Variants in AGTPBP1 observed in about 807,000 individuals in gnomAD.
The protein encoded by AGTPBP1 is ATP/GTP binding carboxypeptidase 1, also known as cytosolic carboxypeptidase 1.
AGTPBP1 carries 70 observed loss-of-function variants against 143.9 expected under a neutral mutation model. The ratio of observed to expected loss-of-function variants is 0.49; its 90% CI spans 0.40 to 0.59. AGTPBP1 has a LOEUF of 0.59. Among genes scored for constraint, AGTPBP1 ranks in the 20% least tolerant of loss-of-function variants. AGTPBP1 has a pLI of 0.00. For synonymous variants in AGTPBP1, 463 were observed against 500.2 expected (o/e 0.93, Z 0.99); for missense variants, 1,229 against 1,464.5 (o/e 0.84, Z 2.62).
chr9:85,714,764 C>T (rs1171918008), intron 1 of AGTPBP1, among the ~76,000 whole-genome samples: 2 of 152,014 alleles, frequency 1.3e-5, no homozygotes, highest in Non-Finnish European at 2.9e-5. Context: ...GGCATTTTAA[C>T]TTGAAAGTGA....
chr9:85,679,413 T>C (rs1835029782), intron 4 of AGTPBP1, among the ~76,000 whole-genome samples: 1 of 152,192 alleles, frequency 6.6e-6, no homozygotes, highest in Non-Finnish European at 1.5e-5. Flanking sequence ...AGTTCTTTTT[T>C]TTCTTTTTTT....
intron 7 of AGTPBP1, among the ~76,000 whole-genome samples, chr9:85,670,670 C>A (rs1834424970): frequency 1.3e-5 from 2 of 151,980 alleles, no homozygotes; most frequent in South Asian, 4.1e-4. Context: ...TCAAAGCCAG[C>A]CTGAGATGTA....
chr9:85,562,014 TAG>T (rs1305474068), intron 25 of AGTPBP1, among the ~76,000 whole-genome samples: 1 of 151,562 alleles, frequency 6.6e-6, no homozygotes, highest in East Asian at 1.9e-4. Flanking sequence ...ATATTTTTAG[TAG>T]AGATGGGGTT....
At chr9:85,771,319 T>C in the AGTPBP1 span, among the ~76,000 whole-genome samples, 1 of 152,046 alleles carries the variant, frequency 6.6e-6, no homozygotes, top group Non-Finnish European at 1.5e-5. Flanking sequence ...TTACAAAAAA[T>C]ACCAGAATTA....
intron 7 of AGTPBP1, among the ~76,000 whole-genome samples, chr9:85,670,102 T>C (rs1217160643): frequency 6.6e-6 from 1 of 151,898 alleles, no homozygotes; most frequent in African/African-American, 2.4e-5. Flanking sequence ...TAAAAGTGAG[T>C]AGTAGTTAGG....
At chr9:85,688,789 T>C (rs1300919819) in intron 3 of AGTPBP1, among the ~76,000 whole-genome samples, 2 of 152,210 alleles carry the variant, frequency 1.3e-5, no homozygotes, top group Non-Finnish European at 1.5e-5. Context: ...AGGGGTTGGT[T>C]TTTTATATCA....
the AGTPBP1 span, among the ~76,000 whole-genome samples, chr9:85,756,754 A>G: frequency 4.5e-4 from 69 of 152,336 alleles, no homozygotes; most frequent in African/African-American, 1.6e-3. Flanking sequence ...ATAGCATATT[A>G]TTTGACAATA....
intron 12 of AGTPBP1, among the ~76,000 whole-genome samples, chr9:85,645,964 G>C (rs1307556630): frequency 6.6e-6 from 1 of 152,072 alleles, no homozygotes; most frequent in African/African-American, 2.4e-5. Context: ...TTTTCCTACT[G>C]TTTTTGTATC....
At chr9:85,611,009 T>A (rs1206846295) in intron 17 of AGTPBP1, among the ~76,000 whole-genome samples, 1 of 151,896 alleles carries the variant, frequency 6.6e-6, no homozygotes, top group Non-Finnish European at 1.5e-5. Context: ...TACAAATACA[T>A]GGAAATAAGA....
chr9:85,657,902 G>A (rs974883351), intron 9 of AGTPBP1, among the ~76,000 whole-genome samples: 1 of 152,048 alleles, frequency 6.6e-6, no homozygotes, highest in Non-Finnish European at 1.5e-5. Context: ...ACTAAAATTA[G>A]AGGAACATCT....
chr9:85,692,864 T>G (rs201769360), intron 2 of AGTPBP1, 51 bp from the exon 3 acceptor site: 386 of 1,584,390 alleles, frequency 2.4e-4, no homozygotes, highest in Non-Finnish European at 2.9e-4. Flanking sequence ...TGGTGTAAAT[T>G]CAATACTATA....
At chr9:85,797,592 A>C in the AGTPBP1 span, among the ~76,000 whole-genome samples, 2 of 151,996 alleles carry the variant, frequency 1.3e-5, no homozygotes, top group African/African-American at 4.8e-5. Flanking sequence ...TACACAGCTG[A>C]CTTCCTGGAA....
the AGTPBP1 span, among the ~76,000 whole-genome samples, chr9:85,753,781 GATAGATA>G: frequency 2.6e-5 from 4 of 151,848 alleles, no homozygotes; most frequent in Non-Finnish European, 4.4e-5. Flanking sequence ...TAGATAGATA[GATAGATA>G]GATAGATAGA....
chr9:85,684,153 T>C (rs181999832), intron 3 of AGTPBP1, among the ~76,000 whole-genome samples: 1 of 152,346 alleles, frequency 6.6e-6, no homozygotes, highest in East Asian at 1.9e-4. Flanking sequence ...CCCATAGCTA[T>C]TTCAACATTT....
chr9:85,742,161 C>T (rs1824380988), upstream of AGTPBP1: 2 of 486,732 alleles, frequency 4.1e-6, no homozygotes, highest in South Asian at 1.9e-4. Flanking sequence ...AGGGAGCGCG[C>T]GCGTGGGGGC....
chr9:85,782,175 AAAT>A, the AGTPBP1 span, among the ~76,000 whole-genome samples: 24 of 152,328 alleles, frequency 1.6e-4, no homozygotes, highest in South Asian at 1.2e-3. Context: ...GACCAGTGAA[AAAT>A]AATATGGAGG....
chr9:85,706,944 A>T lies in AGTPBP1; in HGVS notation c.32+5558T>A, dbSNP rs960694703. On this transcript the variant is annotated intron_variant, in intron 2 of 25. Coordinates refer to ENST00000357081, the MANE Select transcript of AGTPBP1 (RefSeq NM_001330701.2). ...CAGAGAAGGGTAGACTATATATTTT[A>T]AAAAAAAAAGCAGACACAATACATG... 3.0e-4 allele frequency among the ~76,000 whole-genome samples: 43 copies of T among 144,794 alleles called. No individual in the cohort carries two copies. The Middle Eastern group carries it at 0.012, about 39-fold the overall frequency. 95.0% of individuals were successfully genotyped at this position (144,794 alleles called of 152,430 possible). A position where few individuals can be genotyped will look rare whatever the true frequency, so the allele number is the denominator to read the frequency against.
Position 85,727,922 on chromosome 9 carries a change from G to C in AGTPBP1, c.-34+13853C>G, listed in dbSNP as rs531965179. ...ATATGGCTGTAATCCCAGCTGCTTGGGAGGCTGAAGCAAGAGGAATCCCTG... is the reference window on the plus strand; with the variant it reads ...ATATGGCTGTAATCCCAGCTGCTTGCGAGGCTGAAGCAAGAGGAATCCCTG... On this transcript the variant is annotated intron_variant, in intron 1 of 25. Coordinates refer to ENST00000357081, the MANE Select transcript of AGTPBP1 (RefSeq NM_001330701.2). Among the ~76,000 whole-genome samples the C allele has an allele frequency of 1.6e-3, 248 of 152,058 alleles. 2 individuals carry two copies. Among genetic ancestry groups the C allele is most frequent in the African/African-American group, 4.7e-3 (196 of 41,462 alleles).
At chr9:85,706,944 A>G (rs960694703) in intron 2 of AGTPBP1, among the ~76,000 whole-genome samples, 1 of 144,692 alleles carries the variant, frequency 6.9e-6, no homozygotes, top group Non-Finnish European at 1.5e-5. Context: ...TATATATTTT[A>G]AAAAAAAAAG....
Sources: gnomAD v4.1 joint callset for allele counts (sites outside exome capture counted in the v4.1 genomes callset) on GRCh38, gnomAD v4.1.1 for gene constraint, MANE v1.5 for transcripts, NCBI Gene and HGNC (gene_info 2026-07-23, HGNC 2026-07-21) for gene names.